The following PLA2G10 variants were observed in gnomAD, a reference collection of about 807,000 sequenced individuals.
The protein encoded by PLA2G10 is phospholipase A2 group X.
A neutral mutation model predicts 7.9 loss-of-function variants in PLA2G10; 9 were observed. The observed-to-expected ratio is 1.14, with a 90% CI of 0.68 to 1.98. The LOEUF is 1.98. PLA2G10 is among the 30% of genes most tolerant of loss of function. The pLI is 0.00. For synonymous variants in PLA2G10, 19 were observed against 27.5 expected (o/e 0.69, Z 0.97); for missense variants, 53 against 65.4 (o/e 0.81, Z 0.66).
chr16:14,683,128 A>G (rs1439223645), intron 3 of PLA2G10, among the ~76,000 whole-genome samples: 2 of 152,094 alleles, frequency 1.3e-5, no homozygotes, highest in African/African-American at 4.8e-5. Context: ...CACAACACCT[A>G]TCTTACAGGT....
At chr16:14,686,437 T>C (rs1366102387) in intron 3 of PLA2G10, among the ~76,000 whole-genome samples, 2 of 152,192 alleles carry the variant, frequency 1.3e-5, no homozygotes, top group Non-Finnish European at 2.9e-5. Context: ...GTTGTTTTCA[T>C]TGTTTTAGCT....
chr16:14,677,198 G>A (rs963633090), intron 3 of PLA2G10, among the ~76,000 whole-genome samples: 7 of 152,290 alleles, frequency 4.6e-5, no homozygotes, highest in African/African-American at 1.4e-4. Context: ...ATCAGAAAAA[G>A]TATGCAAATG....
chr16:14,684,680 A>G (rs1368597094), intron 3 of PLA2G10, among the ~76,000 whole-genome samples: 3 of 152,080 alleles, frequency 2.0e-5, no homozygotes, highest in Non-Finnish European at 4.4e-5. Context: ...AAATTAGCCC[A>G]GCATCGTGCC....
At chr16:14,687,287 G>A (rs1005709016) in intron 3 of PLA2G10, among the ~76,000 whole-genome samples, 39 of 151,492 alleles carry the variant, frequency 2.6e-4, no homozygotes, top group African/African-American at 9.2e-4. Flanking sequence ...TTAATTGCAG[G>A]GTTTTTTTTA....
intron 3 of PLA2G10, among the ~76,000 whole-genome samples, chr16:14,681,285 C>A (rs1960885648): frequency 6.6e-6 from 1 of 152,088 alleles, no homozygotes; most frequent in African/African-American, 2.4e-5. Context: ...ACCCCAGCAA[C>A]TCTGGTCTGT....
intron 3 of PLA2G10, among the ~76,000 whole-genome samples, chr16:14,675,932 C>CAAA (rs59516741): frequency 6.4e-5 from 3 of 46,696 alleles, no homozygotes; most frequent in African/African-American, 7.4e-5. Context: ...GAGCAAGACT[C>CAAA]AAAAAAAAAA....
At chr16:14,675,043 T>C (rs539741701) in intron 3 of PLA2G10, among the ~76,000 whole-genome samples, 3 of 152,122 alleles carry the variant, frequency 2.0e-5, no homozygotes, top group Non-Finnish European at 4.4e-5. Context: ...TAGTGGTACA[T>C]GCCTGTAATC....
chr16:14,684,880 A>G (rs759395290), intron 3 of PLA2G10, among the ~76,000 whole-genome samples: 2 of 152,126 alleles, frequency 1.3e-5, no homozygotes, highest in Non-Finnish European at 2.9e-5. Flanking sequence ...CTAGGTATAT[A>G]CTCCAAAATA....
chr16:14,674,197 C>T (rs1960664838), intron 3 of PLA2G10, among the ~76,000 whole-genome samples: 2 of 151,508 alleles, frequency 1.3e-5, no homozygotes, highest in Admixed American at 6.6e-5. Flanking sequence ...AAGATCTCTA[C>T]AAACAGAACT....
At chr16:14,672,806 A>C (rs1960625502) in intron 3 of PLA2G10, 57 bp from the exon 4 acceptor site, 2 of 1,557,184 alleles carry the variant, frequency 1.3e-6, no homozygotes, top group Non-Finnish European at 1.8e-6. Flanking sequence ...CTCAAGGGAA[A>C]CCAGTAAAGC....
At chr16:14,682,572 T>C (rs1960923012) in intron 3 of PLA2G10, among the ~76,000 whole-genome samples, 1 of 152,010 alleles carries the variant, frequency 6.6e-6, no homozygotes, top group Admixed American at 6.6e-5. Context: ...TAAGACTCTG[T>C]CTCAAAAAAT....
chr16:14,680,101 C>CTTT (rs34700124), intron 3 of PLA2G10, among the ~76,000 whole-genome samples: 16 of 139,614 alleles, frequency 1.1e-4, no homozygotes, highest in Admixed American at 3.7e-4. Flanking sequence ...TTTTGCTTTT[C>CTTT]TTTTTTTTTT....
At chr16:14,676,015 A>G (rs1364768126) in intron 3 of PLA2G10, among the ~76,000 whole-genome samples, 1 of 152,146 alleles carries the variant, frequency 6.6e-6, no homozygotes, top group Non-Finnish European at 1.5e-5. Context: ...AAATGAAAAA[A>G]TGTTTAACAT....
intron 3 of PLA2G10, among the ~76,000 whole-genome samples, chr16:14,673,678 A>AT (rs891648834): frequency 3.3e-5 from 5 of 152,000 alleles, no homozygotes; most frequent in African/African-American, 4.8e-5. Flanking sequence ...CCATAATAAT[A>AT]TTTTTTTTAA....
At chr16:14,681,798 C>T (rs941969190) in intron 3 of PLA2G10, among the ~76,000 whole-genome samples, 7 of 151,752 alleles carry the variant, frequency 4.6e-5, no homozygotes, top group Non-Finnish European at 1.0e-4. Flanking sequence ...CAGGCACAGA[C>T]TCTACCAACA....
chr16:14,675,281 C>T (rs1447130679), intron 3 of PLA2G10, among the ~76,000 whole-genome samples: 1 of 151,852 alleles, frequency 6.6e-6, no homozygotes, highest in Non-Finnish European at 1.5e-5. Flanking sequence ...AAACTGGATC[C>T]CTATCTCTCA....
intron 3 of PLA2G10, among the ~76,000 whole-genome samples, chr16:14,679,949 A>G (rs1193310738): frequency 1.3e-5 from 2 of 152,114 alleles, no homozygotes; most frequent in Non-Finnish European, 2.9e-5. Context: ...GGATTTGCCT[A>G]TTCTGGACAA....
chr16:14,688,534 A>T (rs2151856854), intron 2 of PLA2G10, among the ~76,000 whole-genome samples: 1 of 38,792 alleles, frequency 2.6e-5, no homozygotes, highest in South Asian at 1.1e-3. Flanking sequence ...GACTACAGGC[A>T]CACGCCAGCA....
intron 3 of PLA2G10, among the ~76,000 whole-genome samples, chr16:14,686,506 T>C (rs1961069361): frequency 6.6e-6 from 1 of 151,668 alleles, no homozygotes; most frequent in South Asian, 2.1e-4. Context: ...GAATGGAATC[T>C]ATTTCTTTTT....
Sources: gnomAD v4.1 joint callset for allele counts (sites outside exome capture counted in the v4.1 genomes callset) on GRCh38, gnomAD v4.1.1 for gene constraint, MANE v1.5 for transcripts, NCBI Gene and HGNC (gene_info 2026-07-23, HGNC 2026-07-21) for gene names.